The following ZNF136 variants were observed in gnomAD, a reference collection of about 807,000 sequenced individuals.
The protein encoded by ZNF136 is zinc finger protein 136, also known as zinc finger protein 136 (clone pHZ-20).
ZNF136 carries 8 observed loss-of-function variants against 11.4 expected under a neutral mutation model. The ratio of observed to expected loss-of-function variants is 0.70; its 90% confidence interval spans 0.41 to 1.27. The LOEUF is 1.27. ZNF136 is among the 50% of genes most tolerant of loss of function. ZNF136 has a pLI of 0.01. For synonymous variants in ZNF136, 190 were observed against 207.1 expected, an observed-to-expected ratio of 0.92 and a Z score of 0.71; for missense variants, 590 against 656.5, an observed-to-expected ratio of 0.90 and a Z score of 1.11.
intron 1 of ZNF136, among the ~76,000 whole-genome samples, chr19:12,183,797 T>A (rs1325757666): frequency 1.3e-5 from 2 of 152,160 alleles, no homozygotes; most frequent in Non-Finnish European, 2.9e-5. Context: ...ATGGAGGTTC[T>A]CACTGTGTTG....
intron 1 of ZNF136, among the ~76,000 whole-genome samples, chr19:12,172,176 T>C (rs1914672326): frequency 6.6e-6 from 1 of 151,910 alleles, no homozygotes; most frequent in South Asian, 2.1e-4. Context: ...ACAGGGTTCC[T>C]GACCTCAAGT....
At position 12,163,188 on chromosome 19, in the gene ZNF136, AC is replaced by A; in HGVS notation, c.-13del. On this transcript the variant is annotated 5_prime_UTR_variant, in exon 1 of 4. Coordinates refer to ENST00000343979, the MANE Select transcript of ZNF136 (RefSeq NM_003437.5). ...GGATCCGGAGGGAGGAAGCTGGGAC[AC>A]CCGGGAGTCAGGAAATGGTGAGTGT... 7.2e-7 allele frequency: 1 copy of A among 1,397,588 alleles called. No homozygotes were observed. The highest frequency in any genetic ancestry group is 1.5e-5 in the African/African-American group (1 of 67,104). 86.6% of individuals were successfully genotyped at this position (1,397,588 alleles called of 1,614,324 possible).
Position 12,186,782 on chromosome 19 carries a change from A to G in ZNF136, c.404A>G (p.Tyr135Cys). The G allele has an allele frequency of 3.7e-6, 6 of 1,614,196 alleles. No individual in the cohort carries two copies. Among genetic ancestry groups the G allele is most frequent in the Non-Finnish European group, 5.1e-6 (6 of 1,180,022 alleles). The change falls in exon 4 of 4, where the codon TAT (tyrosine) becomes TGT (cysteine). Residue 135 changes from tyrosine to cysteine, a missense_variant. Transcript: ENST00000343979. ...CATGAACCAAAGGAATATCAGGAAT[A>G]TGGAGAGAAGCCAGATACACGTAAC... ...SGHEPKEYQEYGEKPDTRNQC... is the reference protein window; with the variant it reads ...SGHEPKEYQECGEKPDTRNQC...
intron 1 of ZNF136, among the ~76,000 whole-genome samples, chr19:12,164,471 GTC>G (rs1977157752): frequency 1.5e-5 from 2 of 130,942 alleles, no homozygotes; most frequent in Admixed American, 7.8e-5. Context: ...TTGAGACGGA[GTC>G]TCTCTGTCGC....
chr19:12,182,423 G>A (rs1341864213), intron 1 of ZNF136, among the ~76,000 whole-genome samples: 1 of 152,200 alleles, frequency 6.6e-6, no homozygotes, highest in African/African-American at 2.4e-5. Context: ...TCTCTTGGAG[G>A]GTCTAGTGAG....
Position 12,186,823 on chromosome 19 carries a change from T to C in ZNF136, c.445T>C (p.Phe149Leu). The change falls in exon 4 of 4, where the codon TTC (phenylalanine) becomes CTC (leucine). Residue 149 changes from phenylalanine to leucine, a missense_variant. Physicochemically the swap from Phe to Leu is conservative, Grantham distance 22. Transcript: ENST00000343979. The stretch of plus-strand genomic sequence containing the variant: ...TACACGTAACCAGTGTTGGAAACCC[T>C]TCAGTTCTCACCACTCCTTTCGAAC... ...PDTRNQCWKP[F>L]SSHHSFRTHE... is the part of the protein sequence containing the mutation. 1 of 1,614,140 alleles carries C rather than the reference T, an allele frequency of 6.2e-7. No individual in the cohort carries two copies. The highest frequency in any genetic ancestry group is 8.5e-7 in the Non-Finnish European group (1 of 1,180,012).
intron 1 of ZNF136, among the ~76,000 whole-genome samples, chr19:12,182,523 C>A (rs1040385334): frequency 3.3e-5 from 5 of 152,228 alleles, no homozygotes; most frequent in Admixed American, 2.0e-4. Context: ...AAAAGCTCAC[C>A]TCTTGGGACA....
At chr19:12,170,347 A>G (rs938453770) in intron 1 of ZNF136, among the ~76,000 whole-genome samples, 1 of 151,886 alleles carries the variant, frequency 6.6e-6, no homozygotes, top group Admixed American at 6.6e-5. Flanking sequence ...TCTGTTGCCA[A>G]TGTAATTGTT....
rs143363091 is a variant in ZNF136 at position 12,164,105 on chromosome 19, A to G, written c.3+899A>G. 5.1e-3 allele frequency among the ~76,000 whole-genome samples: 778 copies of G among 152,274 alleles called. 5 individuals carry two copies. Among genetic ancestry groups the G allele is most frequent in the Non-Finnish European group, 7.7e-3 (525 of 68,026 alleles). ...AGTCTTCCTAGAGGACAGTTGAAAT[A>G]GAAGGCTGGGAGAATGCCCTGGGAC... On this transcript the variant is annotated intron_variant, in intron 1 of 3. Transcript: ENST00000343979.
chr19:12,187,946 T>C lies in ZNF136; in HGVS notation c.1568T>C (p.Met523Thr). 1.3e-6 allele frequency: 2 copies of C among 1,554,630 alleles called. No homozygotes were observed. Among genetic ancestry groups the C allele is most frequent in the South Asian group, 1.3e-5 (1 of 79,014 alleles). The change falls in exon 4 of 4, where the codon ATG (methionine) becomes ACG (threonine). Residue 523 changes from methionine to threonine, a missense_variant. Coordinates refer to ENST00000343979, the MANE Select transcript of ZNF136 (RefSeq NM_003437.5). ...YSCRASFQRHMLTHAEDGPPY... is the reference protein window; with the variant it reads ...YSCRASFQRHTLTHAEDGPPY... ...TGCCGTGCCAGCTTTCAGAGACACA[T>C]GTTAACACATGCTGAAGATGGACCA...
chr19:12,167,004 C>A (rs1490383131), intron 1 of ZNF136, among the ~76,000 whole-genome samples: 1 of 152,168 alleles, frequency 6.6e-6, no homozygotes, highest in African/African-American at 2.4e-5. Flanking sequence ...AAAGTGTTTT[C>A]TTTCATAGGA....
intron 1 of ZNF136, among the ~76,000 whole-genome samples, chr19:12,166,291 C>T (rs1320711144): frequency 6.6e-6 from 1 of 151,696 alleles, no homozygotes; most frequent in Non-Finnish European, 1.5e-5. Flanking sequence ...TTTATTCTTT[C>T]CCAGATCATG....
chr19:12,165,941 C>T (rs1023507111), intron 1 of ZNF136, among the ~76,000 whole-genome samples: 3 of 152,096 alleles, frequency 2.0e-5, no homozygotes, highest in African/African-American at 7.2e-5. Context: ...AAAATTTAAA[C>T]TGCTGGCTGG....
intron 1 of ZNF136, among the ~76,000 whole-genome samples, chr19:12,173,799 G>A (rs779130004): frequency 2.6e-5 from 4 of 152,176 alleles, no homozygotes; most frequent in African/African-American, 7.2e-5. Flanking sequence ...TCGTAGGACT[G>A]AGCCCTCAAC....
chr19:12,179,219 G>A (rs1914877602), intron 1 of ZNF136, among the ~76,000 whole-genome samples: 1 of 150,978 alleles, frequency 6.6e-6, no homozygotes, highest in Admixed American at 6.6e-5. Flanking sequence ...GTCAAAGAAG[G>A]TATAAAAAAA....
intron 2 of ZNF136, 49 bp downstream of exon 2, chr19:12,185,960 C>A (rs1359599851): frequency 1.2e-6 from 2 of 1,610,152 alleles, no homozygotes; most frequent in Admixed American, 1.7e-5. Flanking sequence ...AGAAGTGCTT[C>A]TTGTGCAGTG....
At position 12,164,467 on chromosome 19, in the gene ZNF136, C is replaced by A. The variant is rs562136053; in HGVS notation, c.3+1261C>A. ...TTTTTTTTTTTTTTTTTTTTTGAGA[C>A]GGAGTCTCTCTGTCGCCCAAGCTGG... is the stretch of plus-strand genomic sequence containing the variant. On this transcript the variant is annotated intron_variant, in intron 1 of 3. Coordinates refer to ENST00000343979, the MANE Select transcript of ZNF136 (RefSeq NM_003437.5). 2.5e-4 allele frequency among the ~76,000 whole-genome samples: 29 copies of A among 117,042 alleles called. 1 individual carries two copies. The highest frequency in any genetic ancestry group is 9.9e-5 in the Non-Finnish European group (6 of 60,538). The allele number at this position is 117,042 out of a possible 152,430, so 76.8% of individuals were successfully genotyped here.
intron 1 of ZNF136, among the ~76,000 whole-genome samples, chr19:12,168,057 CTTT>C (rs386388563): frequency 2.7e-4 from 19 of 71,142 alleles, no homozygotes; most frequent in African/African-American, 1.7e-4. Context: ...TTTTCTTTTT[CTTT>C]TTTTTTTTTT....
At chr19:12,178,267 G>T (rs2145635665) in intron 1 of ZNF136, among the ~76,000 whole-genome samples, 1 of 152,210 alleles carries the variant, frequency 6.6e-6, no homozygotes, top group South Asian at 2.1e-4. Flanking sequence ...TCTGTTAATT[G>T]TTTCCTTTGC....
Sources: allele counts gnomAD v4.1 joint callset (sites outside exome capture counted in the v4.1 genomes callset), GRCh38; gene constraint gnomAD v4.1.1; transcripts MANE v1.5; gene names NCBI Gene and HGNC (gene_info 2026-07-23, HGNC 2026-07-21).